The following COL17A1 variants were observed in gnomAD, a reference collection of about 807,000 sequenced individuals.
COL17A1 encodes collagen type XVII alpha 1 chain.
In COL17A1, 181 loss-of-function variants were observed where a neutral mutation model predicts 218.4. The ratio of observed to expected loss-of-function variants is 0.83; its 90% CI spans 0.73 to 0.94. COL17A1 has a LOEUF of 0.94. COL17A1 is among the 40% of genes least tolerant of loss of function. The probability of loss-of-function intolerance (pLI) is 0.00; values close to 1 mark genes in which losing one functional copy is unlikely to be tolerated. For synonymous variants in COL17A1, 721 were observed against 731.0 expected, an observed-to-expected ratio of 0.99 and a Z score of 0.22; for missense variants, 1,924 against 1,945.9, an observed-to-expected ratio of 0.99 and a Z score of 0.21.
At chr10:104,036,080 GTGT>G (rs2086289469) in intron 48 of COL17A1, among the ~76,000 whole-genome samples, 1 of 119,644 alleles carries the variant, frequency 8.4e-6, no homozygotes, top group Non-Finnish European at 1.8e-5. Context: ...GTATGGGAGT[GTGT>G]ATGGGAGTGT....
chr10:104,039,457 T>C lies in COL17A1; in HGVS notation c.2884A>G (p.Lys962Glu), dbSNP rs778109696. ...CTCCCTCACTGACCTTTGTCACCTT[T>C]GGGTCCCTGGGGGCCAGGTGGGCCT... is the stretch of plus-strand genomic sequence containing the variant. ...PPGPPGPQGP[K>E]GDKGDPGVPG... Residue 962 changes from lysine (K) to glutamate (E), a missense_variant, in exon 43 of 56, where the codon AAA (lysine) becomes GAA (glutamate). By Grantham distance (56) the Lys-to-Glu change is moderately conservative. Transcript: ENST00000648076. 5 of 1,614,138 alleles carry C rather than the reference T, an allele frequency of 3.1e-6. No homozygotes were observed. Among genetic ancestry groups the C allele is most frequent in the Non-Finnish European group, 3.4e-6 (4 of 1,180,022 alleles).
intron 10 of COL17A1, 70 bp from the exon 11 acceptor site, chr10:104,063,888 A>G (rs2086604052): frequency 6.2e-7 from 1 of 1,603,382 alleles, no homozygotes; most frequent in South Asian, 1.1e-5. Flanking sequence ...TTTGGATACC[A>G]CAGAAGCACC....
intron 3 of COL17A1, among the ~76,000 whole-genome samples, 169 bp from the exon 4 acceptor site, chr10:104,077,695 TG>T (rs1187003696): frequency 2.3e-5 from 2 of 85,288 alleles, no homozygotes; most frequent in Non-Finnish European, 5.1e-5. Flanking sequence ...CCAGTTTCGT[TG>T]GTTTTTTGTT....
chr10:104,077,573 A>T (rs1215345586), intron 3 of COL17A1, 47 bp from the exon 4 acceptor site: 2 of 1,505,282 alleles, frequency 1.3e-6, no homozygotes, highest in East Asian at 4.6e-5. Context: ...GAGTCAGGCC[A>T]GAGGATCCCC....
chr10:104,072,924 G>T (rs1483104663), intron 7 of COL17A1, among the ~76,000 whole-genome samples: 1 of 152,168 alleles, frequency 6.6e-6, no homozygotes, highest in East Asian at 1.9e-4. Context: ...TGTGGTATCT[G>T]CATCTTCAGA....
At chr10:104,071,189 T>A (rs559761947) in intron 8 of COL17A1, among the ~76,000 whole-genome samples, 1 of 152,228 alleles carries the variant, frequency 6.6e-6, no homozygotes, top group Non-Finnish European at 1.5e-5. Context: ...CATGAGAGGA[T>A]GCATGGGGAG....
chr10:104,042,886 C>A (rs773244978), intron 35 of COL17A1, among the ~76,000 whole-genome samples: 2 of 152,228 alleles, frequency 1.3e-5, no homozygotes, highest in Admixed American at 6.5e-5. Context: ...CATAACTCTT[C>A]AATGTGTGGG....
At chr10:104,074,332 C>A (rs2086691832) in intron 5 of COL17A1, 101 bp from the exon 6 acceptor site, 1 of 1,531,894 alleles carries the variant, frequency 6.5e-7, no homozygotes, top group Non-Finnish European at 9.0e-7. Flanking sequence ...ACCTCCACAG[C>A]CCTCAGTGTT....
intron 25 of COL17A1, among the ~76,000 whole-genome samples, chr10:104,051,244 A>G (rs1589565503): frequency 1.3e-5 from 2 of 152,156 alleles, no homozygotes; most frequent in East Asian, 3.9e-4. Context: ...GGGGACTTCC[A>G]TTGCTGAAGC....
chr10:104,041,440 T>C (rs1262015359), intron 37 of COL17A1, 45 bp downstream of exon 37: 2 of 1,605,932 alleles, frequency 1.2e-6, no homozygotes, highest in South Asian at 1.1e-5. Flanking sequence ...TTGAATCTCC[T>C]GTCCCCCAAA....
intron 20 of COL17A1, 72 bp from the exon 21 acceptor site, chr10:104,054,190 T>C: frequency 1.3e-6 from 2 of 1,529,018 alleles, no homozygotes. Context: ...CAGTCACTAG[T>C]GGGATTCAGG....
intron 45 of COL17A1, 131 bp from the exon 46 acceptor site, chr10:104,037,904 G>A (rs2086317071): frequency 8.7e-7 from 1 of 1,148,000 alleles, no homozygotes; most frequent in Non-Finnish European, 1.3e-6. Flanking sequence ...GGCCAGGAGG[G>A]AGCCTAGACT....
chr10:104,046,756 C>G lies in COL17A1; in HGVS notation c.2353G>C (p.Gly785Arg). ...PGKPGLTGPQGPQGLPGTPGR... is the reference protein window; with the variant it reads ...PGKPGLTGPQRPQGLPGTPGR... ...TGATCCAGCGACTCACCCTGAGGTC[C>G]CTGGGGTCCTGTGAGACCTGCAGAA... The change falls in exon 32 of 56, where the codon GGA becomes CGA. Residue 785 changes from glycine (G) to arginine (R), a missense_variant. By Grantham distance (125) the Gly-to-Arg change is moderately radical (BLOSUM62 -2). Transcript: ENST00000648076. 1 of 1,613,926 alleles carries G rather than the reference C, an allele frequency of 6.2e-7. No homozygotes were observed. Among genetic ancestry groups the G allele is most frequent in the Non-Finnish European group, 8.5e-7 (1 of 1,179,914 alleles).
At chr10:104,082,487 G>T (rs995854372) in intron 1 of COL17A1, among the ~76,000 whole-genome samples, 1 of 152,162 alleles carries the variant, frequency 6.6e-6, no homozygotes, top group Non-Finnish European at 1.5e-5. Flanking sequence ...CTTTAAATGC[G>T]CCTGGCAGTC....
Position 104,032,717 on chromosome 10 carries a change from C to T in COL17A1, c.4395G>A (p.Gly1465=). 6.2e-7 allele frequency: 1 copy of T among 1,614,162 alleles called. No homozygotes were observed. The highest frequency in any genetic ancestry group is 1.3e-5 in the African/African-American group (1 of 75,060). ...CCTTGTGTCCTCGAGGGCCAGGTGG[C>T]CCAGGATGACCTGGTGGCCCAGCAG... ...RGPAGPPGHP[G]PPGPRGHKGE... The change falls in exon 55 of 56, where the codon GGG becomes GGA. Residue 1465 remains glycine, a synonymous_variant. Transcript: ENST00000648076.
chr10:104,078,402 T>G (rs2086730640), intron 3 of COL17A1, 140 bp downstream of exon 3: 1 of 1,101,278 alleles, frequency 9.1e-7, no homozygotes, highest in East Asian at 2.6e-5. Context: ...AACTGGCGAA[T>G]TCTGTTGTAT....
intron 54 of COL17A1, 57 bp downstream of exon 54, chr10:104,032,849 C>T: frequency 6.2e-7 from 1 of 1,612,442 alleles, no homozygotes; most frequent in East Asian, 2.2e-5. Flanking sequence ...AGCTGCTTTT[C>T]AGTACGAGGT....
chr10:104,076,432 G>T lies in COL17A1; in HGVS notation c.203-3C>A. ...GGCATGGCCTCGTGTGCTTCCAGCT[G>T]CAAGAGGGAAAAAGCATAAGTTCTC... On this transcript the variant is annotated splice_region_variant and splice_polypyrimidine_tract_variant and intron_variant, in intron 4 of 55. Coordinates refer to ENST00000648076, the MANE Select transcript of COL17A1 (RefSeq NM_000494.4). 12 of 1,613,956 alleles carry T rather than the reference G, an allele frequency of 7.4e-6. No homozygotes were observed. Among genetic ancestry groups the T allele is most frequent in the Non-Finnish European group, 1.0e-5 (12 of 1,179,870 alleles).
rs757543114 is a variant in COL17A1 at position 104,056,970 on chromosome 10, C to T, written c.1465+5G>A. The T allele has an allele frequency of 3.6e-5, 57 of 1,566,632 alleles. No homozygotes were observed. Among genetic ancestry groups the T allele is most frequent in the East Asian group, 2.1e-4 (9 of 42,126 alleles). On this transcript the variant is annotated splice_donor_5th_base_variant and intron_variant, in intron 17 of 55. Coordinates refer to ENST00000648076, the MANE Select transcript of COL17A1 (RefSeq NM_000494.4). ...ACAGGCTGCCCTGCTGCCTTTGCCA[C>T]GTACCCAGAGCAATGAGGCCGAAGA...
Sources: allele counts gnomAD v4.1 joint callset (sites outside exome capture counted in the v4.1 genomes callset), GRCh38; gene constraint gnomAD v4.1.1; transcripts MANE v1.5; gene names NCBI Gene and HGNC (gene_info 2026-07-23, HGNC 2026-07-21).